The following PTPRD variants were observed in gnomAD, a reference collection of about 807,000 sequenced individuals.
PTPRD encodes protein tyrosine phosphatase receptor type D.
Under a neutral mutation model 214.5 loss-of-function variants are expected in PTPRD, and 34 were observed. That is an observed-to-expected ratio of 0.16 (90% CI 0.12 to 0.21). The LOEUF (loss-of-function observed/expected upper bound fraction) is 0.21. PTPRD is among the 10% of genes least tolerant of loss of function. The pLI is 1.00. For missense variants in PTPRD, 2,545 were observed against 2,398.7 expected (o/e 1.06, Z -1.27); for synonymous variants, 1,128 against 845.7 (o/e 1.33, Z -5.79).
chr9:8,541,810 CCTCT>C (rs1469652982), intron 14 of PTPRD, among the ~76,000 whole-genome samples: 4 of 152,132 alleles, frequency 2.6e-5, no homozygotes, highest in Non-Finnish European at 5.9e-5. Context: ...TTTGAACTTT[CCTCT>C]CTATCAAAAG....
At chr9:9,074,819 T>A (rs921876296) in intron 10 of PTPRD, among the ~76,000 whole-genome samples, 1 of 151,678 alleles carries the variant, frequency 6.6e-6, no homozygotes, top group African/African-American at 2.4e-5. Flanking sequence ...ATGTAAAATA[T>A]AACATGTAAA....
intron 10 of PTPRD, among the ~76,000 whole-genome samples, chr9:9,104,526 C>A (rs117294733): frequency 0.023 from 3,551 of 152,120 alleles, 64 homozygotes; most frequent in South Asian, 0.039. Flanking sequence ...TTTGCAAAAC[C>A]GTTATTTCCA....
At chr9:9,827,478 C>T (rs1313265322) in intron 5 of PTPRD, among the ~76,000 whole-genome samples, 1 of 152,128 alleles carries the variant, frequency 6.6e-6, no homozygotes, top group African/African-American at 2.4e-5. Flanking sequence ...AACTGGATCC[C>T]TTCCTTACAC....
At chr9:9,150,363 A>C (rs1356646319) in intron 10 of PTPRD, among the ~76,000 whole-genome samples, 1 of 150,890 alleles carries the variant, frequency 6.6e-6, no homozygotes, top group Non-Finnish European at 1.5e-5. Flanking sequence ...AAATAGTATA[A>C]GCACAGTCTT....
At chr9:9,456,379 G>C (rs986223816) in intron 8 of PTPRD, among the ~76,000 whole-genome samples, 1 of 151,828 alleles carries the variant, frequency 6.6e-6, no homozygotes, top group African/African-American at 2.4e-5. Context: ...GATTGCTTTA[G>C]ATAAAGATTA....
intron 2 of PTPRD, among the ~76,000 whole-genome samples, chr9:10,379,540 G>A (rs753157672): frequency 4.7e-4 from 71 of 151,988 alleles, no homozygotes; most frequent in Non-Finnish European, 9.6e-4. Flanking sequence ...TCAACATCAT[G>A]CAAATACTCC....
rs144452245 is a variant in PTPRD at position 9,910,748 on chromosome 9, T to C, written c.-368+27759A>G. Among the ~76,000 whole-genome samples, 137 of 152,152 alleles carry C rather than the reference T, an allele frequency of 9.0e-4. 3 individuals carry two copies. The South Asian group carries it at 0.027, about 30-fold the overall frequency. The stretch of plus-strand genomic sequence containing the variant: ...GATACAAAACTTGAGTTTCTTAAAA[T>C]ATCGGATGAAATTATTAAGCAGGTA... On this transcript the variant is annotated intron_variant, in intron 5 of 45. Coordinates refer to ENST00000381196, the MANE Select transcript of PTPRD (RefSeq NM_002839.4).
chr9:10,031,647 T>TACACACACACACACACACAC (rs1555494944), intron 4 of PTPRD, among the ~76,000 whole-genome samples: 14 of 89,610 alleles, frequency 1.6e-4, no homozygotes, highest in South Asian at 1.0e-3. Context: ...TATATATATA[T>TACACACACACACACACACAC]ACACACACAC....
intron 2 of PTPRD, among the ~76,000 whole-genome samples, chr9:10,373,488 C>T (rs1414537237): frequency 3.3e-5 from 5 of 152,026 alleles, no homozygotes; most frequent in Non-Finnish European, 7.4e-5. Flanking sequence ...TGAATCATCA[C>T]CTTGTGAAAC....
chr9:8,662,542 C>CTAG (rs1448893663), intron 12 of PTPRD, among the ~76,000 whole-genome samples: 1 of 152,134 alleles, frequency 6.6e-6, no homozygotes, highest in East Asian at 1.9e-4. Flanking sequence ...CTGATACAGC[C>CTAG]TAGGAAAAAT....
chr9:8,873,758 A>G (rs996525637), intron 11 of PTPRD, among the ~76,000 whole-genome samples: 1 of 152,146 alleles, frequency 6.6e-6, no homozygotes, highest in Non-Finnish European at 1.5e-5. Context: ...CGTTGGTGTC[A>G]GGCACGTAGG....
At chr9:8,415,589 A>G (rs1179690257) in intron 35 of PTPRD, among the ~76,000 whole-genome samples, 1 of 152,160 alleles carries the variant, frequency 6.6e-6, no homozygotes, top group Non-Finnish European at 1.5e-5. Context: ...TGAGTATTAC[A>G]CAATTCAACC....
chr9:9,507,845 C>T (rs927466927), intron 8 of PTPRD, among the ~76,000 whole-genome samples: 5 of 151,370 alleles, frequency 3.3e-5, no homozygotes, highest in Admixed American at 2.0e-4. Flanking sequence ...ATTAAAATCT[C>T]GACTGTGCCT....
At chr9:10,195,094 G>A (rs1024612897) in intron 3 of PTPRD, among the ~76,000 whole-genome samples, 4 of 140,794 alleles carry the variant, frequency 2.8e-5, no homozygotes, top group Non-Finnish European at 6.2e-5. Flanking sequence ...GACCATACCC[G>A]GCTATTTTTT....
chr9:8,415,491 G>C (rs1162932096), intron 35 of PTPRD, among the ~76,000 whole-genome samples: 1 of 151,864 alleles, frequency 6.6e-6, no homozygotes, highest in Non-Finnish European at 1.5e-5. Flanking sequence ...TAATATTTAA[G>C]GCTGTGATTG....
chr9:8,607,607 C>T (rs139063542), intron 14 of PTPRD, among the ~76,000 whole-genome samples: 152 of 152,198 alleles, frequency 1.0e-3, no homozygotes, highest in African/African-American at 3.5e-3. Context: ...TGCGCCACTG[C>T]ACTCCAGCCT....
At chr9:9,059,865 C>T (rs1461799895) in intron 10 of PTPRD, among the ~76,000 whole-genome samples, 1 of 151,900 alleles carries the variant, frequency 6.6e-6, no homozygotes, top group Non-Finnish European at 1.5e-5. Context: ...AGGACCCCTA[C>T]AAATAAAATA....
rs117909543 is a variant in PTPRD, at chr9:9,335,154, G to A, written c.-203+62295C>T. Among the ~76,000 whole-genome samples the A allele has an allele frequency of 1.0e-3, 155 of 152,020 alleles. 2 individuals are homozygous for A. In the East Asian group the frequency reaches 0.028, roughly 27 times the overall value. ...GGTTTTTGCCTGATATTCCGTGTTA[G>A]CTTTGCTATTTTCAACTGAAATAAG... On this transcript the variant is annotated intron_variant, in intron 9 of 45. Transcript: ENST00000381196.
intron 5 of PTPRD, among the ~76,000 whole-genome samples, chr9:9,796,251 T>C (rs752486646): frequency 6.6e-6 from 1 of 152,158 alleles, no homozygotes; most frequent in Non-Finnish European, 1.5e-5. Flanking sequence ...GTTTTGAAGA[T>C]AAACTTGCTA....
Sources: gnomAD v4.1 joint callset for allele counts (sites outside exome capture counted in the v4.1 genomes callset) on GRCh38, gnomAD v4.1.1 for gene constraint, MANE v1.5 for transcripts, NCBI Gene and HGNC (gene_info 2026-07-23, HGNC 2026-07-21) for gene names.